PER3: variants seen among roughly 807,000 people sequenced by gnomAD.
PER3 encodes the protein period circadian protein homolog 3.
Under a neutral mutation model 127.2 loss-of-function variants are expected in PER3, and 107 were observed. The observed-to-expected ratio is 0.84, with a 90% confidence interval of 0.72 to 0.99. The LOEUF (loss-of-function observed/expected upper bound fraction) is 0.99. Among genes scored for constraint, PER3 ranks in the 50% least tolerant of loss-of-function variants. The pLI is 0.00. For missense variants in PER3, 1,560 were observed against 1,525.8 expected (o/e 1.02, Z -0.37); for synonymous variants, 618 against 585.8 (o/e 1.05, Z -0.79).
Position 7,784,325 on chromosome 1 carries a change from G to A in PER3, c.-276G>A, listed in dbSNP as rs569523798. The A allele has an allele frequency of 6.6e-6, 1 of 150,398 alleles. No individual in the cohort carries two copies. Among genetic ancestry groups the A allele is most frequent in the Non-Finnish European group, 1.5e-5 (1 of 67,334 alleles). 9.3% of individuals were successfully genotyped at this position (150,398 alleles called of 1,614,324 possible). ...GCGGCGAGCCTCGAGACTGCGCGAG[G>A]GCGGCCCCGGGGGCGAGCGGCTGTG... On this transcript the variant is annotated 5_prime_UTR_variant, in exon 1 of 22. Coordinates refer to ENST00000377532, the MANE Select transcript of PER3 (RefSeq NM_001377275.1).
chr1:7,811,938 C>G (rs959309435), intron 13 of PER3, among the ~76,000 whole-genome samples: 2 of 152,190 alleles, frequency 1.3e-5, no homozygotes, highest in Non-Finnish European at 2.9e-5. Flanking sequence ...GGAATCACAG[C>G]TGCTTTTTTT....
At chr1:7,838,765 G>A (rs114525478) in intron 21 of PER3, among the ~76,000 whole-genome samples, 5 of 152,108 alleles carry the variant, frequency 3.3e-5, no homozygotes, top group African/African-American at 7.2e-5. Context: ...ACTTACAGAC[G>A]TACCTACTCT....
chr1:7,785,719 A>G (rs566815607), intron 3 of PER3, 133 bp downstream of exon 3: 3 of 653,864 alleles, frequency 4.6e-6, no homozygotes, highest in South Asian at 4.4e-5. Context: ...AAGATGAGCA[A>G]ATCTACACCG....
At chr1:7,805,741 C>G (rs912719381) in intron 10 of PER3, among the ~76,000 whole-genome samples, 6 of 152,172 alleles carry the variant, frequency 3.9e-5, no homozygotes, top group African/African-American at 7.2e-5. Context: ...CATGAGGCTT[C>G]CATCTGGGGC....
At chr1:7,832,354 T>C (rs2097335165) in intron 19 of PER3, among the ~76,000 whole-genome samples, 1 of 148,486 alleles carries the variant, frequency 6.7e-6, no homozygotes, top group African/African-American at 2.5e-5. Context: ...TTTTATTTTA[T>C]TGATTTATGC....
chr1:7,787,838 A>G (rs2097099477), intron 4 of PER3: 11 of 585,144 alleles, frequency 1.9e-5, no homozygotes, highest in Middle Eastern at 4.5e-4. Context: ...TAGAAATTGA[A>G]CCTTCAGTAG....
At position 7,810,563 on chromosome 1, in the gene PER3, T is replaced by G. The variant is rs1333143527; in HGVS notation, c.1497T>G (p.Gly499=). 1 of 1,610,384 alleles carries G rather than the reference T, an allele frequency of 6.2e-7. No individual in the cohort carries two copies. The highest frequency in any genetic ancestry group is 2.2e-5 in the East Asian group (1 of 44,800). ...CGGGGACACGCACAGAACCGAATGG[T>G]GGTGGTGAGTCAGCGAATGGTGGTG... The part of the protein sequence containing the change: ...PVTGTRTEPN[G]GGESANGGGE... Residue 499 remains glycine, a synonymous_variant, in exon 13 of 22, where the codon GGT becomes GGG. Coordinates refer to ENST00000377532, the MANE Select transcript of PER3 (RefSeq NM_001377275.1).
At chr1:7,815,952 C>CACT (rs764059752) in intron 13 of PER3, among the ~76,000 whole-genome samples, 112 of 134,062 alleles carry the variant, frequency 8.4e-4, no homozygotes, top group Admixed American at 8.8e-4. Context: ...AAGATCCCAC[C>CACT]ACTGCACTCC....
At chr1:7,818,435 A>G (rs2097261205) in intron 13 of PER3, among the ~76,000 whole-genome samples, 1 of 152,204 alleles carries the variant, frequency 6.6e-6, no homozygotes. Context: ...AGCATCTAAC[A>G]CTTCTACAAA....
chr1:7,840,873 G>A (rs1202719956), intron 21 of PER3, among the ~76,000 whole-genome samples: 3 of 152,110 alleles, frequency 2.0e-5, no homozygotes, highest in Non-Finnish European at 4.4e-5. Flanking sequence ...CTTCCAAAGT[G>A]CTGGGATTAC....
chr1:7,784,798 TCTGTCA>T lies in PER3; in HGVS notation c.-76_-71del, dbSNP rs2097077359. On this transcript the variant is annotated 5_prime_UTR_variant, in exon 2 of 22. Transcript: ENST00000377532. ...CGGGGACCGGAGTGAGAAACCGGTGTCTGTCACTGACTGCAAAGTGAGCGAGAAGCA... is the reference window on the plus strand; with the variant it reads ...CGGGGACCGGAGTGAGAAACCGGTGTCTGACTGCAAAGTGAGCGAGAAGCA... 2.2e-6 allele frequency: 3 copies of T among 1,351,482 alleles called. No individual in the cohort carries two copies. The East Asian group carries it at 9.2e-5, about 42-fold the overall frequency. The allele number at this position is 1,351,482 out of a possible 1,614,324, so 83.7% of individuals were successfully genotyped here. A position where few individuals can be genotyped will look rare whatever the true frequency, so the allele number is the denominator to read the frequency against.
At chr1:7,786,219 C>T (rs984075828) in intron 3 of PER3, among the ~76,000 whole-genome samples, 1 of 152,206 alleles carries the variant, frequency 6.6e-6, no homozygotes, top group Non-Finnish European at 1.5e-5. Flanking sequence ...CACGCCACTG[C>T]ACTCCCGCCT....
At chr1:7,793,780 T>A (rs55927428) in intron 5 of PER3, among the ~76,000 whole-genome samples, 177 bp from the exon 6 acceptor site, 291 of 152,330 alleles carry the variant, frequency 1.9e-3, no homozygotes, top group African/African-American at 6.7e-3. Context: ...AATACTAGTA[T>A]TTCCCAATTC....
Position 7,794,025 on chromosome 1 carries a change from G to A in PER3, c.644+17G>A, listed in dbSNP as rs778942800. 3 of 1,601,856 alleles carry A rather than the reference G, an allele frequency of 1.9e-6. No homozygotes were observed. The highest frequency in any genetic ancestry group is 1.3e-5 in the African/African-American group (1 of 74,666). On this transcript the variant is annotated intron_variant, in intron 6 of 21. Coordinates refer to ENST00000377532, the MANE Select transcript of PER3 (RefSeq NM_001377275.1). The stretch of plus-strand genomic sequence containing the variant: ...CAGGATCCGGTAAGTATAGTGGCTC[G>A]TGGAAGCCAGCAACAGTGGATTATG...
In PER3 at chr1:7,827,629, C is replaced by T. The variant is rs756356474; in HGVS notation, c.2700C>T (p.Asp900=). Residue 900 remains aspartate, a synonymous_variant, in exon 18 of 22, where the codon GAC becomes GAT. Coordinates refer to ENST00000377532, the MANE Select transcript of PER3 (RefSeq NM_001377275.1). ...SMSSAMSPTL[D]PPPSVTSQRR... ...CGTCAGCAATGAGTCCAACTCTGGA[C>T]CCACCCCCTTCAGTCACCAGCCAAA... is the stretch of plus-strand genomic sequence containing the variant. 6 of 1,614,138 alleles carry T rather than the reference C, an allele frequency of 3.7e-6. No individual in the cohort carries two copies. The highest frequency in any genetic ancestry group is 5.1e-6 in the Non-Finnish European group (6 of 1,180,026).
intron 7 of PER3, 97 bp from the exon 8 acceptor site, chr1:7,801,016 T>C (rs1441355431): frequency 6.6e-6 from 5 of 762,222 alleles, no homozygotes; most frequent in South Asian, 1.6e-5. Flanking sequence ...CCATTTCATA[T>C]AGATTTTGTT....
chr1:7,842,248 ATC>A (rs1199772081), intron 21 of PER3, among the ~76,000 whole-genome samples: 2 of 151,952 alleles, frequency 1.3e-5, no homozygotes, highest in Middle Eastern at 3.2e-3. Flanking sequence ...ACTACCTGTA[ATC>A]TCAGCAGTTT....
chr1:7,815,743 T>A (rs2097245633), intron 13 of PER3, among the ~76,000 whole-genome samples: 1 of 151,722 alleles, frequency 6.6e-6, no homozygotes, highest in African/African-American at 2.4e-5. Context: ...CCCAGCACTT[T>A]AGGGGGCCGA....
At chr1:7,805,624 T>C (rs1401201838) in intron 10 of PER3, among the ~76,000 whole-genome samples, 1 of 152,160 alleles carries the variant, frequency 6.6e-6, no homozygotes, top group East Asian at 1.9e-4. Flanking sequence ...CTTTGTCCCT[T>C]CTCCCCACCC....
Sources: gnomAD v4.1 joint callset for allele counts (sites outside exome capture counted in the v4.1 genomes callset) on GRCh38, gnomAD v4.1.1 for gene constraint, MANE v1.5 for transcripts, NCBI Gene and HGNC (gene_info 2026-07-23, HGNC 2026-07-21) for gene names.